SPTBN1: variants seen among roughly 807,000 people sequenced by gnomAD.
SPTBN1 encodes the protein spectrin beta, non-erythrocytic 1.
SPTBN1 carries 32 observed loss-of-function variants against 266.4 expected under a neutral mutation model. The ratio of observed to expected loss-of-function variants is 0.12; its 90% confidence interval spans 0.09 to 0.16. The LOEUF is 0.16. SPTBN1 is among the 10% of genes least tolerant of loss of function. The pLI is 1.00. For synonymous variants in SPTBN1, 1,336 were observed against 1,162.2 expected (o/e 1.15, Z -3.04); for missense variants, 2,296 against 3,067.1 (o/e 0.75, Z 5.94).
At chr2:54,563,466 A>G (rs978829102) in intron 2 of SPTBN1, among the ~76,000 whole-genome samples, 27 of 152,128 alleles carry the variant, frequency 1.8e-4, no homozygotes, top group African/African-American at 6.0e-4. Flanking sequence ...AGGTCATGAA[A>G]TGCATTACTA....
intron 5 of SPTBN1, among the ~76,000 whole-genome samples, chr2:54,617,319 C>T (rs578079359): frequency 6.6e-6 from 1 of 152,300 alleles, no homozygotes; most frequent in Admixed American, 6.5e-5. Flanking sequence ...TCTAGGTTGT[C>T]GTCACTTTTT....
chr2:54,650,466 A>T (rs1188516176), intron 26 of SPTBN1, among the ~76,000 whole-genome samples: 2 of 151,784 alleles, frequency 1.3e-5, no homozygotes, highest in Non-Finnish European at 2.9e-5. Context: ...AAGTAGTAAC[A>T]ATATAACAGA....
At position 54,646,805 on chromosome 2, in the gene SPTBN1, G is replaced by T. The variant is rs1332121843; in HGVS notation, c.4867-326G>T. Among the ~76,000 whole-genome samples, 1 of 152,194 alleles carries T rather than the reference G, an allele frequency of 6.6e-6. No individual in the cohort carries two copies. The highest frequency in any genetic ancestry group is 1.9e-4 in the East Asian group (1 of 5,198). ...GGAGACAATTTGAAAGTATTGCAAG[G>T]TTCCAGGAATGCTGCCATTTACATA... On this transcript the variant is annotated intron_variant, in intron 23 of 35. Coordinates refer to ENST00000356805, the MANE Select transcript of SPTBN1 (RefSeq NM_003128.3). The surrounding 1 kb of genome is among the most constrained non-coding windows in gnomAD (Gnocchi z 4.4).
intron 2 of SPTBN1, among the ~76,000 whole-genome samples, chr2:54,582,880 G>C (rs1675038844): frequency 6.6e-6 from 1 of 152,178 alleles, no homozygotes; most frequent in Non-Finnish European, 1.5e-5. Context: ...TTCTAGGCTT[G>C]AATTTGCTCT....
At chr2:54,522,658 A>AGAGAGAGAGAGG (rs1670520974) in intron 1 of SPTBN1, among the ~76,000 whole-genome samples, 3 of 81,860 alleles carry the variant, frequency 3.7e-5, no homozygotes, top group Non-Finnish European at 5.1e-5. Context: ...GAGAGAGAGA[A>AGAGAGAGAGAGG]AGAGAGAGAG....
intron 1 of SPTBN1, among the ~76,000 whole-genome samples, chr2:54,486,130 C>T (rs1326323806): frequency 1.1e-4 from 17 of 149,056 alleles, no homozygotes; most frequent in Middle Eastern, 3.6e-3. Context: ...CCAGCCGCCC[C>T]GTCTGGGAGG....
At chr2:54,662,218 T>C in intron 32 of SPTBN1, 1 of 985,476 alleles carries the variant, frequency 1.0e-6, no homozygotes. Flanking sequence ...ATCATAGCAC[T>C]GTGATTGCTT....
At chr2:54,600,014 C>T (rs1676376256) in intron 3 of SPTBN1, among the ~76,000 whole-genome samples, 1 of 152,184 alleles carries the variant, frequency 6.6e-6, no homozygotes, top group African/African-American at 2.4e-5. Flanking sequence ...GGTGCCGAGC[C>T]AGAAGCCAAC....
chr2:54,470,761 C>A (rs1693878373), intron 1 of SPTBN1, among the ~76,000 whole-genome samples: 1 of 152,138 alleles, frequency 6.6e-6, no homozygotes, highest in Non-Finnish European at 1.5e-5. Flanking sequence ...ATCTCTTGAG[C>A]CCAGGGCTTC....
intron 1 of SPTBN1, among the ~76,000 whole-genome samples, chr2:54,498,816 G>A (rs1289841394): frequency 6.6e-6 from 1 of 152,214 alleles, no homozygotes; most frequent in Non-Finnish European, 1.5e-5. Flanking sequence ...CAAATGCTGT[G>A]TTGGGTGCTG....
intron 2 of SPTBN1, among the ~76,000 whole-genome samples, chr2:54,583,359 A>G (rs1675076591): frequency 6.6e-6 from 1 of 152,160 alleles, no homozygotes; most frequent in Non-Finnish European, 1.5e-5. Context: ...AGAGCAATTT[A>G]AAACCTTTTT....
chr2:54,558,304 A>G lies in SPTBN1; in HGVS notation c.148+31738A>G, dbSNP rs1192075834. The G allele has an allele frequency of 2.0e-6, 2 of 987,386 alleles. No individual in the cohort carries two copies. Among genetic ancestry groups the G allele is most frequent in the Non-Finnish European group, 2.4e-6 (2 of 831,282 alleles). The allele number at this position is 987,386 out of a possible 1,614,324, so 61.2% of individuals were successfully genotyped here. On this transcript the variant is annotated intron_variant, in intron 2 of 35. Transcript: ENST00000356805. This position sits in a 1 kb window ranked among gnomAD's most constrained non-coding sequence, Gnocchi z 4.6. ...CCTGCATTTCTAATACAATGCTGTTATGCTAATCAGGTGACATCACCGCCC... is the reference window on the plus strand; with the variant it reads ...CCTGCATTTCTAATACAATGCTGTTGTGCTAATCAGGTGACATCACCGCCC...
chr2:54,525,403 G>A (rs1381046206), intron 1 of SPTBN1, among the ~76,000 whole-genome samples: 2 of 152,034 alleles, frequency 1.3e-5, no homozygotes, highest in South Asian at 2.1e-4. Flanking sequence ...GCGCCACCAC[G>A]CCCAGCTAAT....
intron 1 of SPTBN1, among the ~76,000 whole-genome samples, chr2:54,521,997 G>C (rs1042582482): frequency 1.3e-5 from 2 of 150,946 alleles, no homozygotes; most frequent in African/African-American, 4.9e-5. Flanking sequence ...TCCCTGGCTC[G>C]AGTGGTCCTC....
rs1370053227 is a variant in SPTBN1 at position 54,533,517 on chromosome 2, A to G, written c.148+6951A>G. Among the ~76,000 whole-genome samples, 1 of 152,098 alleles carries G rather than the reference A, an allele frequency of 6.6e-6. No individual in the cohort carries two copies. Among genetic ancestry groups the G allele is most frequent in the African/African-American group, 2.4e-5 (1 of 41,426 alleles). On this transcript the variant is annotated intron_variant, in intron 2 of 35. Coordinates refer to ENST00000356805, the MANE Select transcript of SPTBN1 (RefSeq NM_003128.3). The surrounding 1 kb of genome is among the most constrained non-coding windows in gnomAD (Gnocchi z 4.2). ...GGAGGAAACCTATTTACATGAGACT[A>G]TATATGTATACAAGTGCCTGGAAGT...
intron 1 of SPTBN1, among the ~76,000 whole-genome samples, chr2:54,472,091 G>T (rs1359052895): frequency 7.3e-6 from 1 of 137,208 alleles, no homozygotes; most frequent in African/African-American, 2.8e-5. Context: ...GCAGTGGCGC[G>T]ATCTTGGCTC....
chr2:54,623,310 C>T lies in SPTBN1; in HGVS notation c.1065-169C>T, dbSNP rs1678113543. 2.6e-5 allele frequency among the ~76,000 whole-genome samples: 4 copies of T among 152,158 alleles called. No individual in the cohort carries two copies. In the South Asian group the frequency reaches 8.3e-4, roughly 32 times the overall value. On this transcript the variant is annotated intron_variant, in intron 9 of 35. Coordinates refer to ENST00000356805, the MANE Select transcript of SPTBN1 (RefSeq NM_003128.3). ...AATGTCAGCAACAACAAAGAAATTC[C>T]ACGGTTTGGTATGTTTCAAGGTTTG...
intron 1 of SPTBN1, among the ~76,000 whole-genome samples, chr2:54,498,634 C>A (rs1669094715): frequency 6.6e-6 from 1 of 152,206 alleles, no homozygotes; most frequent in South Asian, 2.1e-4. Flanking sequence ...AATAACGCAA[C>A]TATATATACA....
chr2:54,624,163 G>A (rs2971886), intron 10 of SPTBN1, among the ~76,000 whole-genome samples: 83,120 of 151,954 alleles, frequency 0.55, 22,946 homozygotes, highest in Admixed American at 0.61. Context: ...TTTAATGGAG[G>A]CAGGGTCTCA....
Sources: gnomAD v4.1 joint callset for allele counts (sites outside exome capture counted in the v4.1 genomes callset) on GRCh38, gnomAD v4.1.1 for gene constraint, Gnocchi (gnomAD v3.1) non-coding constraint, MANE v1.5 for transcripts, NCBI Gene and HGNC (gene_info 2026-07-23, HGNC 2026-07-21) for gene names.